NCOA6: variants seen among roughly 807,000 people sequenced by gnomAD.
The protein encoded by NCOA6 is nuclear receptor coactivator 6, also known as NRC RAP250.
NCOA6 carries 49 observed loss-of-function variants against 171.4 expected under a neutral mutation model. The observed-to-expected ratio is 0.29, with a 90% CI of 0.23 to 0.36. The LOEUF is 0.36. NCOA6 is among the 10% of genes least tolerant of loss of function. The pLI is 1.00. For missense variants in NCOA6, 2,248 were observed against 2,554.5 expected, an observed-to-expected ratio of 0.88 and a Z score of 2.59; for synonymous variants, 910 against 927.5, an observed-to-expected ratio of 0.98 and a Z score of 0.34.
rs1318604131 is a variant in NCOA6 at position 34,743,278 on chromosome 20, T to G, written c.2978A>C (p.His993Pro). The change falls in exon 11 of 15, where the codon CAT (histidine) becomes CCT (proline). Residue 993 changes from histidine (H) to proline (P), a missense_variant. Around this residue, in one of 7 missense-constraint regions of NCOA6, gnomAD observed 352 missense variants for 419.1 expected, o/e 0.84. Transcript: ENST00000359003. ...LQQMPPQLMQ[H>P]VAPPPQPPQQ... ...TGGTGGCTGTGGTGGGGGTGCCACA[T>G]GCTGCATGAGTTGAGGAGGCATCTG... 2 of 1,613,804 alleles carry G rather than the reference T, an allele frequency of 1.2e-6. No homozygotes were observed. The highest frequency in any genetic ancestry group is 2.7e-5 in the African/African-American group (2 of 74,912).
intron 12 of NCOA6, among the ~76,000 whole-genome samples, chr20:34,735,565 A>G (rs371448604): frequency 3.3e-5 from 5 of 151,390 alleles, no homozygotes; most frequent in South Asian, 2.1e-4. Flanking sequence ...AATGGTGTGA[A>G]CCCAGGAGGC....
At chr20:34,805,878 G>C (rs1331072794) in intron 1 of NCOA6, among the ~76,000 whole-genome samples, 1 of 152,054 alleles carries the variant, frequency 6.6e-6, no homozygotes, top group Admixed American at 6.5e-5. Flanking sequence ...AGTAGAGACA[G>C]GGTTTCACCA....
At chr20:34,764,156 C>T (rs559165189) in intron 5 of NCOA6, among the ~76,000 whole-genome samples, 4 of 151,312 alleles carry the variant, frequency 2.6e-5, no homozygotes, top group South Asian at 4.2e-4. Flanking sequence ...GGCGCGATCT[C>T]GGCTCACTGC....
chr20:34,753,064 A>G (rs2145756631), intron 8 of NCOA6, among the ~76,000 whole-genome samples: 1 of 149,370 alleles, frequency 6.7e-6, no homozygotes, highest in South Asian at 2.1e-4. Flanking sequence ...TTTTTTTGAG[A>G]TGAAGTCTCT....
In NCOA6 at chr20:34,757,938, C is replaced by T. The variant is rs1406424276; in HGVS notation, c.810G>A (p.Gln270=). 6.2e-7 allele frequency: 1 copy of T among 1,613,282 alleles called. No homozygotes were observed. Among genetic ancestry groups the T allele is most frequent in the South Asian group, 1.1e-5 (1 of 91,068 alleles). Reference sequence around the variant, plus strand: ...GTTGTTGCTGCTGCTGCTGCTGCTGCTGCTGTTGTTGTTGTTGCTGCTGCT... The same window carrying T: ...GTTGTTGCTGCTGCTGCTGCTGCTGTTGCTGTTGTTGTTGTTGCTGCTGCT... The part of the protein sequence containing the change: ...LQQQQQQQQQ[Q]QQQQQQQQQQ... The change falls in exon 7 of 15, where the codon CAG becomes CAA. Residue 270 remains glutamine (Q), a synonymous_variant. Coordinates refer to ENST00000359003, the MANE Select transcript of NCOA6 (RefSeq NM_014071.5).
At chr20:34,769,371 T>C (rs964430765) in intron 4 of NCOA6, among the ~76,000 whole-genome samples, 2 of 151,972 alleles carry the variant, frequency 1.3e-5, no homozygotes, top group African/African-American at 4.8e-5. Flanking sequence ...TATAGGATTT[T>C]TTTTTTTTTT....
In NCOA6 at chr20:34,768,456, G is replaced by A. The variant is rs1254553793; in HGVS notation, c.514+8C>T. The A allele has an allele frequency of 1.2e-6, 2 of 1,613,474 alleles. No homozygotes were observed. The highest frequency in any genetic ancestry group is 8.5e-7 in the Non-Finnish European group (1 of 1,179,834). ...TAAAATGTCATACAATTGAGTGGGA[G>A]GTCTTACCTGGACCACTTGCCATAG... On this transcript the variant is annotated splice_region_variant and intron_variant, in intron 5 of 14. Coordinates refer to ENST00000359003, the MANE Select transcript of NCOA6 (RefSeq NM_014071.5).
intron 1 of NCOA6, among the ~76,000 whole-genome samples, chr20:34,803,977 G>T (rs1016450589): frequency 6.7e-6 from 1 of 149,752 alleles, no homozygotes; most frequent in Non-Finnish European, 1.5e-5. Context: ...GAGAAACACC[G>T]TTTAAAAAAA....
intron 2 of NCOA6, among the ~76,000 whole-genome samples, chr20:34,784,226 T>G (rs556048483): frequency 2.4e-4 from 36 of 152,092 alleles, no homozygotes; most frequent in African/African-American, 8.4e-4. Context: ...CGTTTAACTT[T>G]TTTTTTTTTA....
chr20:34,823,648 T>C (rs578211043), intron 1 of NCOA6, among the ~76,000 whole-genome samples: 1 of 152,292 alleles, frequency 6.6e-6, no homozygotes, highest in East Asian at 1.9e-4. Flanking sequence ...TTTTCTTTTT[T>C]AGGATTTTGT....
chr20:34,759,237 G>T (rs2076744304), intron 5 of NCOA6, among the ~76,000 whole-genome samples: 1 of 151,976 alleles, frequency 6.6e-6, no homozygotes, highest in Non-Finnish European at 1.5e-5. Context: ...AGATGGGGTC[G>T]CTATGTTGCC....
At chr20:34,716,671 GCC>G in intron 14 of NCOA6, among the ~76,000 whole-genome samples, 1 of 151,986 alleles carries the variant, frequency 6.6e-6, no homozygotes, top group East Asian at 1.9e-4. Flanking sequence ...GATCACTTGA[GCC>G]CAGGAGTTCA....
intron 11 of NCOA6, chr20:34,739,082 A>G (rs2076050219): frequency 2.4e-6 from 1 of 415,844 alleles, no homozygotes; most frequent in Non-Finnish European, 5.0e-6. Flanking sequence ...AGGGAAGGGA[A>G]GAAGGGAAGG....
chr20:34,793,411 T>C (rs550088391), intron 1 of NCOA6, among the ~76,000 whole-genome samples: 1 of 152,330 alleles, frequency 6.6e-6, no homozygotes, highest in South Asian at 2.1e-4. Context: ...CTATACATTA[T>C]ATTTTTCATT....
intron 14 of NCOA6, among the ~76,000 whole-genome samples, chr20:34,721,261 A>C (rs901550384): frequency 4.7e-5 from 7 of 149,376 alleles, no homozygotes; most frequent in Admixed American, 6.6e-5. Flanking sequence ...AAAAAAAAAA[A>C]AAAAAACAAC....
chr20:34,768,324 T>C (rs2077040062), intron 5 of NCOA6, 140 bp downstream of exon 5: 1 of 1,123,906 alleles, frequency 8.9e-7, no homozygotes, highest in African/African-American at 1.6e-5. Flanking sequence ...CGGGAAGGAC[T>C]CATGTCTAGC....
chr20:34,776,809 A>G (rs1389375790), intron 3 of NCOA6: 1 of 463,078 alleles, frequency 2.2e-6, no homozygotes, highest in African/African-American at 2.0e-5. Context: ...AGAAAGGACC[A>G]TAAGAAAGAA....
Position 34,715,138 on chromosome 20 carries a change from AAAAGGGCTC to A in NCOA6, c.*175_*183del, listed in dbSNP as rs1422194894. The A allele has an allele frequency of 4.5e-5, 30 of 661,152 alleles. No individual in the cohort carries two copies. The Middle Eastern group carries it at 1.2e-3, about 26-fold the overall frequency. 41.0% of individuals were successfully genotyped at this position (661,152 alleles called of 1,614,324 possible). A position where few individuals can be genotyped will look rare whatever the true frequency, so the allele number is the denominator to read the frequency against. Reference sequence around the variant, plus strand: ...ACCTTGAACTTCAACTCGCAACACCAAAAGGGCTCAACAGTCCTGCTTTCCCCATTGCAC... The same window carrying A: ...ACCTTGAACTTCAACTCGCAACACCAAACAGTCCTGCTTTCCCCATTGCAC... On this transcript the variant is annotated 3_prime_UTR_variant, in exon 15 of 15. Coordinates refer to ENST00000359003, the MANE Select transcript of NCOA6 (RefSeq NM_014071.5).
At chr20:34,760,934 T>C (rs930070702) in intron 5 of NCOA6, among the ~76,000 whole-genome samples, 1 of 151,996 alleles carries the variant, frequency 6.6e-6, no homozygotes, top group African/African-American at 2.4e-5. Flanking sequence ...AAGAAACATC[T>C]TTTGGGCCAG....
Sources: gnomAD v4.1 joint callset for allele counts (sites outside exome capture counted in the v4.1 genomes callset) on GRCh38, gnomAD v4.1.1 for gene constraint, gnomAD v4.1.1 regional missense constraint, MANE v1.5 for transcripts, NCBI Gene and HGNC (gene_info 2026-07-23, HGNC 2026-07-21) for gene names.